The following TTLL5 variants were observed in gnomAD, a reference collection of about 807,000 sequenced individuals.
The protein encoded by TTLL5 is tubulin polyglutamylase TTLL5.
Under a neutral mutation model 168.4 loss-of-function variants are expected in TTLL5, and 132 were observed. The ratio of observed to expected loss-of-function variants is 0.78; its 90% CI spans 0.68 to 0.91. The LOEUF is 0.91. Ranked by LOEUF, TTLL5 falls within the 40% of genes least tolerant of loss-of-function variation. The probability of loss-of-function intolerance (pLI) is 0.00; values close to 1 mark genes in which losing one functional copy is unlikely to be tolerated. For synonymous variants in TTLL5, 546 were observed against 558.6 expected, an observed-to-expected ratio of 0.98 and a Z score of 0.32; for missense variants, 1,545 against 1,581.5, an observed-to-expected ratio of 0.98 and a Z score of 0.39.
chr14:75,855,849 A>G (rs1410729821), intron 28 of TTLL5, among the ~76,000 whole-genome samples: 1 of 152,232 alleles, frequency 6.6e-6, no homozygotes, highest in African/African-American at 2.4e-5. Context: ...AATACAATCC[A>G]GTCTCTACAA....
intron 27 of TTLL5, among the ~76,000 whole-genome samples, chr14:75,801,808 G>C (rs1326554435): frequency 6.6e-6 from 1 of 152,104 alleles, no homozygotes; most frequent in Non-Finnish European, 1.5e-5. Flanking sequence ...TTTTTCTCTA[G>C]TTATATTTAA....
intron 6 of TTLL5, among the ~76,000 whole-genome samples, chr14:75,698,339 A>G (rs1886012576): frequency 6.6e-6 from 1 of 152,250 alleles, no homozygotes; most frequent in Non-Finnish European, 1.5e-5. Context: ...GGAACAGGAC[A>G]AATGGCACCT....
At chr14:75,857,445 T>G (rs1191028386) in intron 28 of TTLL5, among the ~76,000 whole-genome samples, 1 of 151,244 alleles carries the variant, frequency 6.6e-6, no homozygotes, top group Non-Finnish European at 1.5e-5. Context: ...GTGTTAAAGT[T>G]TTTTTATGTA....
intron 31 of TTLL5, chr14:75,902,580 T>C (rs372316518): frequency 4.3e-6 from 2 of 469,226 alleles, no homozygotes; most frequent in Non-Finnish European, 8.5e-6. Flanking sequence ...CCTGTGAGTT[T>C]GATCTTATCC....
chr14:75,823,622 C>T (rs1894957170), intron 28 of TTLL5, among the ~76,000 whole-genome samples: 1 of 152,174 alleles, frequency 6.6e-6, no homozygotes, highest in South Asian at 2.1e-4. Flanking sequence ...TTATTTTTAT[C>T]CACCTCTGGC....
At chr14:75,781,695 C>T (rs1169840824) in intron 24 of TTLL5, among the ~76,000 whole-genome samples, 1 of 152,152 alleles carries the variant, frequency 6.6e-6, no homozygotes, top group Non-Finnish European at 1.5e-5. Flanking sequence ...TGGCTCACGC[C>T]TGTAATCCCA....
At chr14:75,677,912 A>G (rs1884306252) in intron 3 of TTLL5, among the ~76,000 whole-genome samples, 1 of 151,880 alleles carries the variant, frequency 6.6e-6, no homozygotes. Flanking sequence ...GATTACAGGC[A>G]TGAGCCACCA....
At chr14:75,904,938 TAC>T (rs1377366047) in intron 31 of TTLL5, among the ~76,000 whole-genome samples, 4 of 152,198 alleles carry the variant, frequency 2.6e-5, no homozygotes, top group Non-Finnish European at 5.9e-5. Flanking sequence ...CTAAATCTGT[TAC>T]AGTTATTTGT....
chr14:75,830,557 AG>A (rs1895503323), intron 28 of TTLL5, among the ~76,000 whole-genome samples: 1 of 152,226 alleles, frequency 6.6e-6, no homozygotes, highest in Non-Finnish European at 1.5e-5. Flanking sequence ...AAATATATAC[AG>A]TTTTTATTTT....
intron 31 of TTLL5, among the ~76,000 whole-genome samples, chr14:75,944,210 C>T (rs2034699267): frequency 6.6e-6 from 1 of 152,200 alleles, no homozygotes; most frequent in African/African-American, 2.4e-5. Context: ...CTGCCGCTAA[C>T]ATATTTTGGT....
chr14:75,860,787 G>T lies in TTLL5; in HGVS notation c.3327-2880G>T, dbSNP rs114243560. ...CGTTCCTTTAGCTGAGCCAGTAGCTGTTGAGTAGTTTTGGGTGTTTTATCT... is the reference window on the plus strand; with the variant it reads ...CGTTCCTTTAGCTGAGCCAGTAGCTTTTGAGTAGTTTTGGGTGTTTTATCT... On this transcript the variant is annotated intron_variant, in intron 28 of 31. Coordinates refer to ENST00000298832, the MANE Select transcript of TTLL5 (RefSeq NM_015072.5). Among the ~76,000 whole-genome samples the T allele has an allele frequency of 1.4e-3, 212 of 152,140 alleles. 1 individual carries two copies. Among genetic ancestry groups the T allele is most frequent in the African/African-American group, 4.9e-3 (202 of 41,508 alleles).
At chr14:75,754,637 T>A (rs575289039) in intron 18 of TTLL5, among the ~76,000 whole-genome samples, 1 of 152,316 alleles carries the variant, frequency 6.6e-6, no homozygotes, top group South Asian at 2.1e-4. Context: ...TATAATAATA[T>A]GTGTGCCTCT....
chr14:75,904,676 A>G (rs1450694604), intron 31 of TTLL5, among the ~76,000 whole-genome samples: 2 of 152,116 alleles, frequency 1.3e-5, no homozygotes, highest in Non-Finnish European at 2.9e-5. Flanking sequence ...GGCTTCTCAT[A>G]GTGACCTTTC....
intron 6 of TTLL5, among the ~76,000 whole-genome samples, chr14:75,698,905 TAA>T (rs79334798): frequency 2.4e-4 from 33 of 139,736 alleles, no homozygotes; most frequent in Admixed American, 3.6e-4. Flanking sequence ...GACCCTGCCT[TAA>T]AAAAAAAAAA....
At chr14:75,868,066 C>G (rs1215052123) in intron 29 of TTLL5, among the ~76,000 whole-genome samples, 1 of 152,170 alleles carries the variant, frequency 6.6e-6, no homozygotes, top group Non-Finnish European at 1.5e-5. Flanking sequence ...TGACCTGATT[C>G]TAATTGCAGA....
At chr14:75,871,313 C>T (rs759043958) in intron 29 of TTLL5, among the ~76,000 whole-genome samples, 2 of 152,134 alleles carry the variant, frequency 1.3e-5, no homozygotes, top group African/African-American at 4.8e-5. Flanking sequence ...AGTCTTATCT[C>T]CATTCCACTG....
chr14:75,794,363 C>T (rs1371521566), intron 27 of TTLL5, among the ~76,000 whole-genome samples: 2 of 151,002 alleles, frequency 1.3e-5, no homozygotes, highest in African/African-American at 2.4e-5. Flanking sequence ...ACACTTTTAT[C>T]ATTGGGTCAC....
chr14:75,854,472 G>A (rs1897033267), intron 28 of TTLL5, among the ~76,000 whole-genome samples: 2 of 152,144 alleles, frequency 1.3e-5, no homozygotes, highest in South Asian at 4.1e-4. Flanking sequence ...TACAAATTCA[G>A]TGAAAATTCT....
intron 31 of TTLL5, among the ~76,000 whole-genome samples, chr14:75,914,605 T>C (rs2033532492): frequency 6.7e-6 from 1 of 149,294 alleles, no homozygotes; most frequent in African/African-American, 2.5e-5. Context: ...AATGAATGAT[T>C]GATCACTACT....
Sources: gnomAD v4.1 joint callset for allele counts (sites outside exome capture counted in the v4.1 genomes callset) on GRCh38, gnomAD v4.1.1 for gene constraint, MANE v1.5 for transcripts, NCBI Gene and HGNC (gene_info 2026-07-23, HGNC 2026-07-21) for gene names.